The following NFKB1 variants were observed in gnomAD, a reference collection of about 807,000 sequenced individuals.
The protein encoded by NFKB1 is nuclear factor NF-kappa-B p105 subunit.
In NFKB1, 9 loss-of-function variants were observed where a neutral mutation model predicts 105.1. The ratio of observed to expected loss-of-function variants is 0.09; its 90% CI spans 0.05 to 0.15. The LOEUF is 0.15. NFKB1 is among the 10% of genes least tolerant of loss of function. The pLI is 1.00. For missense variants in NFKB1, 830 were observed against 1,203.7 expected, an observed-to-expected ratio of 0.69 and a Z score of 4.59; for synonymous variants, 440 against 442.2, an observed-to-expected ratio of 1.00 and a Z score of 0.06.
At chr4:102,595,040 G>A (rs4648061) in intron 13 of NFKB1, 59 bp downstream of exon 13, 1 of 1,206,308 alleles carries the variant, frequency 8.3e-7, no homozygotes, top group Non-Finnish European at 1.2e-6. Flanking sequence ...TGCTAAAAAG[G>A]GTTTTTAAAA....
intron 18 of NFKB1, 99 bp from the exon 19 acceptor site, chr4:102,607,550 G>T: frequency 7.7e-7 from 1 of 1,300,226 alleles, no homozygotes; most frequent in African/African-American, 1.5e-5. Flanking sequence ...TAGCAATTGG[G>T]CTAGTAATAG....
At chr4:102,563,585 C>T (rs966547836) in intron 5 of NFKB1, among the ~76,000 whole-genome samples, 3 of 152,130 alleles carry the variant, frequency 2.0e-5, no homozygotes, top group African/African-American at 7.2e-5. Flanking sequence ...AAAGGCTTTA[C>T]ATGCATTAAT....
Position 102,596,291 on chromosome 4 carries a change from C to A in NFKB1, c.1454C>A (p.Thr485Lys), listed in dbSNP as rs768572248. The change falls in exon 14 of 24, where the codon ACG becomes AAG. Residue 485 changes from threonine to lysine, a missense_variant. Thr to Lys is a moderately conservative substitution (Grantham distance 78). This residue lies in a region of NFKB1 where 163 missense variants were observed against 164.3 expected (regional missense o/e 0.99). Transcript: ENST00000226574. ...ATVGNGEVTL[T>K]YATGTKEESA... ...GTTGGGAATGGTGAGGTCACTCTAACGTATGCAACAGGAACAAAAGAAGAG... is the reference window on the plus strand; with the variant it reads ...GTTGGGAATGGTGAGGTCACTCTAAAGTATGCAACAGGAACAAAAGAAGAG... 3 of 1,612,396 alleles carry A rather than the reference C, an allele frequency of 1.9e-6. No individual in the cohort carries two copies. In the South Asian group the frequency reaches 3.3e-5, roughly 18 times the overall value.
chr4:102,613,604 G>A (rs181544773), intron 23 of NFKB1, 23 bp downstream of exon 23: 3 of 1,605,864 alleles, frequency 1.9e-6, no homozygotes, highest in Non-Finnish European at 2.6e-6. Flanking sequence ...ACAAAAGACA[G>A]TGGAGATATT....
At chr4:102,611,110 A>G (rs961848947) in intron 20 of NFKB1, among the ~76,000 whole-genome samples, 1 of 152,246 alleles carries the variant, frequency 6.6e-6, no homozygotes, top group Non-Finnish European at 1.5e-5. Context: ...TAGAATTTCA[A>G]TAAATATAAA....
chr4:102,540,903 A>C (rs1741957744), intron 5 of NFKB1, among the ~76,000 whole-genome samples: 1 of 152,168 alleles, frequency 6.6e-6, no homozygotes, highest in South Asian at 2.1e-4. Flanking sequence ...TAAGCAGAGG[A>C]AAAAATTGTT....
At chr4:102,511,018 T>A in intron 1 of NFKB1, 2 of 1,071,564 alleles carry the variant, frequency 1.9e-6, no homozygotes, top group Non-Finnish European at 2.5e-6. Context: ...TGAGGAGGGG[T>A]GGAGTAGGGG....
chr4:102,602,168 T>G (rs1336307472), intron 16 of NFKB1, among the ~76,000 whole-genome samples: 1 of 152,140 alleles, frequency 6.6e-6, no homozygotes, highest in Non-Finnish European at 1.5e-5. Context: ...TAAAGAAAAT[T>G]AATTAAAACT....
intron 5 of NFKB1, among the ~76,000 whole-genome samples, chr4:102,562,247 C>T (rs1240568901): frequency 6.6e-6 from 1 of 152,160 alleles, no homozygotes; most frequent in Non-Finnish European, 1.5e-5. Context: ...AGATCTCCAC[C>T]CTCAGTACTC....
chr4:102,580,718 AT>A, intron 9 of NFKB1, 79 bp downstream of exon 9: 3 of 1,145,418 alleles, frequency 2.6e-6, no homozygotes, highest in Non-Finnish European at 3.9e-6. Flanking sequence ...TGTGAGTCAC[AT>A]TTCAGCAGTG....
chr4:102,551,968 T>G (rs188950697), intron 5 of NFKB1, among the ~76,000 whole-genome samples: 6 of 152,312 alleles, frequency 3.9e-5, no homozygotes, highest in African/African-American at 1.4e-4. Context: ...CAAAGAGATC[T>G]AGGAGTTTTA....
At chr4:102,518,172 C>CA (rs1740326684) in intron 1 of NFKB1, among the ~76,000 whole-genome samples, 1 of 152,052 alleles carries the variant, frequency 6.6e-6, no homozygotes, top group South Asian at 2.1e-4. Flanking sequence ...ATTGCAAAGT[C>CA]AAAAATGGGG....
chr4:102,613,624 C>T (rs1452142017), intron 23 of NFKB1, 43 bp downstream of exon 23: 5 of 1,586,620 alleles, frequency 3.2e-6, no homozygotes, highest in African/African-American at 1.3e-5. Context: ...TTTCCAGCTC[C>T]CCCAGGCTGG....
rs1560622467 is a variant in NFKB1, at chr4:102,502,392, A to ACACG, written c.-8+607_-8+608insGCAC. ...CCCCTCCGTGCGCGCGCGCGCGCGCACACACACACACACACACACACACAC... is the reference window on the plus strand; with the variant it reads ...CCCCTCCGTGCGCGCGCGCGCGCGCACACGCACACACACACACACACACACACAC... On this transcript the variant is annotated intron_variant, in intron 1 of 23. Transcript: ENST00000226574. Among the ~76,000 whole-genome samples the ACACG allele has an allele frequency of 2.5e-4, 10 of 40,668 alleles. 1 individual carries two copies. Among genetic ancestry groups the ACACG allele is most frequent in the African/African-American group, 5.8e-4 (4 of 6,926 alleles). The allele number at this position is 40,668 out of a possible 152,430, so 26.7% of individuals were successfully genotyped here.
intron 5 of NFKB1, among the ~76,000 whole-genome samples, chr4:102,549,408 A>G (rs1722399891): frequency 1.3e-5 from 2 of 148,546 alleles, no homozygotes; most frequent in South Asian, 4.2e-4. Flanking sequence ...TGTACATTTT[A>G]TATATGTATA....
At chr4:102,532,159 A>G (rs1741332259) in intron 3 of NFKB1, among the ~76,000 whole-genome samples, 1 of 152,150 alleles carries the variant, frequency 6.6e-6, no homozygotes, top group South Asian at 2.1e-4. Flanking sequence ...ATGGTAATTT[A>G]ATACATTGAC....
intron 1 of NFKB1, among the ~76,000 whole-genome samples, chr4:102,517,388 G>A (rs1740261137): frequency 6.6e-6 from 1 of 152,160 alleles, no homozygotes; most frequent in Non-Finnish European, 1.5e-5. Flanking sequence ...GTTAATCTGT[G>A]ATAACTAAAA....
intron 10 of NFKB1, among the ~76,000 whole-genome samples, chr4:102,583,697 G>T (rs1337034146): frequency 1.3e-5 from 2 of 151,738 alleles, no homozygotes; most frequent in African/African-American, 4.8e-5. Flanking sequence ...CTGATTAAAT[G>T]ATCAGTTTAA....
At chr4:102,569,988 C>T (rs1417328407) in intron 6 of NFKB1, among the ~76,000 whole-genome samples, 2 of 151,904 alleles carry the variant, frequency 1.3e-5, no homozygotes, top group African/African-American at 2.4e-5. Flanking sequence ...ATTTTAAACC[C>T]TGAATATCAA....
Sources: gnomAD v4.1 joint callset for allele counts (sites outside exome capture counted in the v4.1 genomes callset) on GRCh38, gnomAD v4.1.1 for gene constraint, gnomAD v4.1.1 regional missense constraint, MANE v1.5 for transcripts, NCBI Gene and HGNC (gene_info 2026-07-23, HGNC 2026-07-21) for gene names.